The following CHD2 variants were observed in gnomAD, a reference collection of about 807,000 sequenced individuals.
CHD2 encodes the protein ATP-dependent chromatin remodeler CHD2.
In CHD2, 28 loss-of-function variants were observed where a neutral mutation model predicts 243.9. The observed-to-expected ratio is 0.11, with a 90% CI of 0.09 to 0.16. CHD2 has a LOEUF of 0.16. Ranked by LOEUF, CHD2 falls within the 10% of genes least tolerant of loss-of-function variation. The probability of loss-of-function intolerance (pLI) is 1.00; values close to 1 mark genes in which losing one functional copy is unlikely to be tolerated. For synonymous variants in CHD2, 775 were observed against 779.0 expected, an observed-to-expected ratio of 0.99 and a Z score of 0.09; for missense variants, 1,386 against 2,209.8, an observed-to-expected ratio of 0.63 and a Z score of 7.47.
At chr15:92,964,827 G>A (rs1596413341) in intron 16 of CHD2, among the ~76,000 whole-genome samples, 1 of 152,124 alleles carries the variant, frequency 6.6e-6, no homozygotes, top group African/African-American at 2.4e-5. Flanking sequence ...CAGACTTACC[G>A]CAGAAAACAA....
Position 92,997,079 on chromosome 15 carries a change from C to T in CHD2, c.3718C>T (p.Pro1240Ser). ...EMLHKSIPVD[P>S]EEKKKYCLTC... ...GCTGCATAAATCTATCCCTGTGGACCCTGAAGAAAAAAAAAAGTGAGTATA... is the reference window on the plus strand; with the variant it reads ...GCTGCATAAATCTATCCCTGTGGACTCTGAAGAAAAAAAAAAGTGAGTATA... The change falls in exon 29 of 39, where the codon CCT (proline) becomes TCT (serine). Residue 1240 changes from proline to serine, a missense_variant. Coordinates refer to ENST00000394196, the MANE Select transcript of CHD2 (RefSeq NM_001271.4). This position sits in a 1 kb window ranked among gnomAD's most constrained non-coding sequence, Gnocchi z 4.1. 5.0e-6 allele frequency: 8 copies of T among 1,602,496 alleles called. No individual in the cohort carries two copies. Among genetic ancestry groups the T allele is most frequent in the Non-Finnish European group, 5.9e-6 (7 of 1,176,856 alleles).
rs1596431459 is a variant in CHD2 at position 92,980,721 on chromosome 15, G to A, written c.2877-94G>A. The A allele has an allele frequency of 4.8e-6, 4 of 830,680 alleles. No individual in the cohort carries two copies. In the East Asian group the frequency reaches 1.0e-4, roughly 21 times the overall value. 51.5% of individuals were successfully genotyped at this position (830,680 alleles called of 1,614,324 possible). A position where few individuals can be genotyped will look rare whatever the true frequency, so the allele number is the denominator to read the frequency against. On this transcript the variant is annotated intron_variant, in intron 22 of 38. Coordinates refer to ENST00000394196, the MANE Select transcript of CHD2 (RefSeq NM_001271.4). ...TGAGGCAGAGTTTATATTTTCAGCAGTTAACTTGACCTCTTTCTGAAGGAT... is the reference window on the plus strand; with the variant it reads ...TGAGGCAGAGTTTATATTTTCAGCAATTAACTTGACCTCTTTCTGAAGGAT...
Position 93,020,128 on chromosome 15 carries a change from T to C in CHD2, c.5023T>C (p.Tyr1675His). The C allele has an allele frequency of 6.2e-7, 1 of 1,613,910 alleles. No individual in the cohort carries two copies. Among genetic ancestry groups the C allele is most frequent in the Non-Finnish European group, 8.5e-7 (1 of 1,179,960 alleles). ...GCAGCACTGGTACAAGGACCACCAT[T>C]ATGGGGACCGGCGACATATGGATGC... ...YEQHWYKDHH[Y>H]GDRRHMDAHR... is the part of the protein sequence containing the mutation. Residue 1675 changes from tyrosine (Y) to histidine (H), a missense_variant, in exon 38 of 39, where the codon TAT becomes CAT. This residue lies in a region of CHD2 where 347 missense variants were observed against 341.6 expected (regional missense o/e 1.02). Transcript: ENST00000394196.
At chr15:92,991,383 C>T in intron 26 of CHD2, 93 bp from the exon 27 acceptor site, 1 of 834,458 alleles carries the variant, frequency 1.2e-6, no homozygotes. Context: ...TGACAATTTG[C>T]ATGGCTCATA....
intron 16 of CHD2, among the ~76,000 whole-genome samples, chr15:92,959,761 GT>G (rs1267040971): frequency 6.6e-6 from 1 of 152,190 alleles, no homozygotes; most frequent in East Asian, 1.9e-4. Flanking sequence ...CAAAGTACTG[GT>G]ATTATAGGCG....
intron 20 of CHD2, among the ~76,000 whole-genome samples, chr15:92,975,251 A>T (rs1567148590): frequency 6.6e-6 from 1 of 152,200 alleles, no homozygotes. Context: ...AGAGTTGGGC[A>T]ATAGAATTAA....
intron 2 of CHD2, among the ~76,000 whole-genome samples, chr15:92,911,837 T>G (rs2052742247): frequency 6.6e-6 from 1 of 152,226 alleles, no homozygotes; most frequent in Non-Finnish European, 1.5e-5. Context: ...TTCTGTAGTT[T>G]GCTTCTTTTT....
In CHD2 at chr15:93,002,320, A is replaced by G. The variant is rs1567159992; in HGVS notation, c.4278+3A>G. ...AGTCAAAAGATAAGAAAGAGAAGGT[A>G]ATGATGCCCTTCTGTTCATGCAGAT... On this transcript the variant is annotated splice_donor_region_variant and intron_variant, in intron 33 of 38. Transcript: ENST00000394196. 1.3e-6 allele frequency: 2 copies of G among 1,591,734 alleles called. No individual in the cohort carries two copies. The highest frequency in any genetic ancestry group is 2.2e-5 in the East Asian group (1 of 44,594).
chr15:92,969,121 T>C (rs2053805959), intron 17 of CHD2, among the ~76,000 whole-genome samples: 1 of 152,258 alleles, frequency 6.6e-6, no homozygotes, highest in Non-Finnish European at 1.5e-5. Flanking sequence ...ACAACATGAA[T>C]GTGTCAGTTG....
chr15:92,905,575 T>C (rs28407548), intron 2 of CHD2, among the ~76,000 whole-genome samples: 35,009 of 152,086 alleles, frequency 0.23, 4,702 homozygotes, highest in East Asian at 0.62. Flanking sequence ...GCAGGTGATA[T>C]TTGCTTGGGC....
chr15:92,930,867 C>G lies in CHD2; in HGVS notation c.443+1776C>G, dbSNP rs114629965. 2.2e-3 allele frequency among the ~76,000 whole-genome samples: 333 copies of G among 152,240 alleles called. 1 individual carries two copies. The highest frequency in any genetic ancestry group is 7.8e-3 in the African/African-American group (324 of 41,538). ...ATTGCTTCCCTACCCTAGGGCTGTT[C>G]ATAGGAACTGCCTTGGGCTGAGATA... is the stretch of plus-strand genomic sequence containing the variant. On this transcript the variant is annotated intron_variant, in intron 5 of 38. Coordinates refer to ENST00000394196, the MANE Select transcript of CHD2 (RefSeq NM_001271.4).
chr15:92,901,045 G>GT (rs2052521985), intron 1 of CHD2, 122 bp from the exon 2 acceptor site: 1 of 593,072 alleles, frequency 1.7e-6, no homozygotes, highest in Non-Finnish European at 3.0e-6. Flanking sequence ...GAAATATTTA[G>GT]TTTTTTGGTG....
intron 2 of CHD2, among the ~76,000 whole-genome samples, chr15:92,921,003 G>A (rs1027579332): frequency 6.6e-6 from 1 of 152,100 alleles, no homozygotes; most frequent in Admixed American, 6.5e-5. Flanking sequence ...TTCTAGGTCA[G>A]CATGTGTGTC....
chr15:92,945,983 T>A, intron 11 of CHD2, 55 bp from the exon 12 acceptor site: 1 of 1,509,490 alleles, frequency 6.6e-7, no homozygotes, highest in Non-Finnish European at 9.0e-7. Context: ...CAGAATGTCA[T>A]TTTTCACTTT....
chr15:92,938,061 C>A (rs1368757636), intron 6 of CHD2, among the ~76,000 whole-genome samples: 3 of 152,112 alleles, frequency 2.0e-5, no homozygotes, highest in African/African-American at 7.2e-5. Flanking sequence ...CAGATGGCAG[C>A]CTAAGATAGT....
chr15:92,971,215 T>A (rs1156455241), intron 17 of CHD2, among the ~76,000 whole-genome samples: 1 of 152,166 alleles, frequency 6.6e-6, no homozygotes, highest in Non-Finnish European at 1.5e-5. Context: ...GTATTTCAGA[T>A]TTTGGGATAT....
In CHD2 at chr15:93,001,614, T is replaced by TCAAGTGATTCTCCTGCCGCAGCCTCC. The variant is rs1405375957; in HGVS notation, c.4138-559_4138-534dup. On this transcript the variant is annotated intron_variant, in intron 32 of 38. Coordinates refer to ENST00000394196, the MANE Select transcript of CHD2 (RefSeq NM_001271.4). Reference sequence around the variant, plus strand: ...TCACAGCAGCTTCCACCTCCTGGGTTCAAGTGATTCTCCTGCCGCAGCCTC... The same window carrying TCAAGTGATTCTCCTGCCGCAGCCTCC: ...TCACAGCAGCTTCCACCTCCTGGGTTCAAGTGATTCTCCTGCCGCAGCCTCCCAAGTGATTCTCCTGCCGCAGCCTC... 3.9e-5 allele frequency among the ~76,000 whole-genome samples: 6 copies of TCAAGTGATTCTCCTGCCGCAGCCTCC among 152,214 alleles called. No individual in the cohort carries two copies. The South Asian group carries it at 1.2e-3, about 32-fold the overall frequency.
At chr15:92,915,138 T>A (rs571815477) in intron 2 of CHD2, 1 of 152,564 alleles carries the variant, frequency 6.6e-6, no homozygotes, top group Admixed American at 6.5e-5. Flanking sequence ...TAGTGTTGCG[T>A]GTGTTAGGGT....
At chr15:92,904,531 C>T (rs1425028081) in intron 2 of CHD2, 28 of 997,654 alleles carry the variant, frequency 2.8e-5, no homozygotes, top group Non-Finnish European at 3.3e-5. Context: ...TTCCGGTGGG[C>T]GGCTTCTTTC....
Sources: gnomAD v4.1 joint callset for allele counts (sites outside exome capture counted in the v4.1 genomes callset) on GRCh38, gnomAD v4.1.1 for gene constraint, gnomAD v4.1.1 regional missense constraint, Gnocchi (gnomAD v3.1) non-coding constraint, MANE v1.5 for transcripts, NCBI Gene and HGNC (gene_info 2026-07-23, HGNC 2026-07-21) for gene names.